The following HTR2A variants were observed in gnomAD, a reference collection of about 807,000 sequenced individuals.
HTR2A encodes 5-hydroxytryptamine receptor 2A, also known as 5-HT2 receptor.
Under a neutral mutation model 31.0 loss-of-function variants are expected in HTR2A, and 14 were observed. That is an observed-to-expected ratio of 0.45 (90% CI 0.30 to 0.71). The LOEUF (loss-of-function observed/expected upper bound fraction) is 0.71, where lower values mean the gene tolerates loss of function less well. Ranked by LOEUF, HTR2A falls within the 30% of genes least tolerant of loss-of-function variation. HTR2A has a pLI of 0.09. For missense variants in HTR2A, 442 were observed against 573.3 expected (o/e 0.77, Z 2.34); for synonymous variants, 209 against 225.2 (o/e 0.93, Z 0.64).
At chr13:46,847,937 T>C (rs1950655671) in intron 3 of HTR2A, among the ~76,000 whole-genome samples, 1 of 152,154 alleles carries the variant, frequency 6.6e-6, no homozygotes, top group South Asian at 2.1e-4. Context: ...TGTATCTCCC[T>C]CTTGTCTTAC....
In HTR2A at chr13:46,861,657, G is replaced by A. The variant is rs150382938; in HGVS notation, c.614-26018C>T. Among the ~76,000 whole-genome samples the A allele has an allele frequency of 8.1e-4, 124 of 152,326 alleles. No homozygotes were observed. In the East Asian group the frequency reaches 0.023, roughly 28 times the overall value. ...GAGGCAATAACTGAGAACCTGTTAG[G>A]CTTATCAACTAATACCTTTGCCTAA... On this transcript the variant is annotated intron_variant, in intron 3 of 3. Transcript: ENST00000542664.
At chr13:46,841,661 A>T (rs1950598273) in intron 3 of HTR2A, among the ~76,000 whole-genome samples, 1 of 152,126 alleles carries the variant, frequency 6.6e-6, no homozygotes. Context: ...CCCCCATCAT[A>T]GATTCCTTAT....
chr13:46,885,769 C>T (rs570261347), intron 3 of HTR2A, among the ~76,000 whole-genome samples: 15 of 152,270 alleles, frequency 9.9e-5, no homozygotes, highest in Admixed American at 8.5e-4. Flanking sequence ...CTTCATTTTG[C>T]CAATTGGATA....
intron 2 of HTR2A, among the ~76,000 whole-genome samples, chr13:46,893,423 A>C (rs541388261): frequency 7.2e-5 from 11 of 152,306 alleles, no homozygotes; most frequent in African/African-American, 2.6e-4. Context: ...CTGCTGGTCC[A>C]GGGACCACGC....
chr13:46,845,368 T>C (rs188879469), intron 3 of HTR2A, among the ~76,000 whole-genome samples: 11 of 152,036 alleles, frequency 7.2e-5, no homozygotes, highest in Non-Finnish European at 1.3e-4. Context: ...TGGGCCCAGG[T>C]GAGCCTGGAC....
At chr13:46,864,000 G>A (rs2760341) in intron 3 of HTR2A, among the ~76,000 whole-genome samples, 126,636 of 152,074 alleles carry the variant, frequency 0.83, 53,671 homozygotes, top group East Asian at 0.97. Flanking sequence ...CACAATAGCA[G>A]AGACATGGAA....
chr13:46,862,555 C>T (rs919032042), intron 3 of HTR2A, among the ~76,000 whole-genome samples: 10 of 152,130 alleles, frequency 6.6e-5, no homozygotes, highest in African/African-American at 2.4e-4. Flanking sequence ...AGCCCCTTGC[C>T]CCGCATAAGA....
chr13:46,863,657 A>AAAAAAAAAAAAAAG (rs1566309853), intron 3 of HTR2A, among the ~76,000 whole-genome samples: 28 of 118,240 alleles, frequency 2.4e-4, no homozygotes, highest in Non-Finnish European at 3.8e-4. Context: ...AAAGAAAAAA[A>AAAAAAAAAAAAAAG]AAAAAGACAG....
Position 46,835,531 on chromosome 13 carries a change from A to T in HTR2A, c.722T>A (p.Val241Glu). Residue 241 changes from valine to glutamate, a missense_variant, in exon 4 of 4, where the codon GTG (valine) becomes GAG (glutamate). Val to Glu is a moderately radical substitution (Grantham distance 121). This residue lies in a region of HTR2A where 174 missense variants were observed against 195.1 expected (regional missense o/e 0.89). Coordinates refer to ENST00000542664, the MANE Select transcript of HTR2A (RefSeq NM_000621.5). Reference protein sequence around the residue: ...DDNFVLIGSFVSFFIPLTIMV... With the variant: ...DDNFVLIGSFESFFIPLTIMV... ...GATGGTTAAGGGAATGAAAAATGAC[A>T]CAAAAGAGCCGATCAGGACAAAGTT... 1 of 1,614,120 alleles carries T rather than the reference A, an allele frequency of 6.2e-7. No individual in the cohort carries two copies. The highest frequency in any genetic ancestry group is 8.5e-7 in the Non-Finnish European group (1 of 1,179,990).
chr13:46,884,380 TC>T (rs1483354859), intron 3 of HTR2A, among the ~76,000 whole-genome samples: 17 of 152,238 alleles, frequency 1.1e-4, no homozygotes, highest in Non-Finnish European at 2.2e-4. Context: ...ATTTTTAAGA[TC>T]TTCAAAATAT....
intron 3 of HTR2A, among the ~76,000 whole-genome samples, chr13:46,841,772 A>AGATT (rs1288375807): frequency 6.6e-6 from 1 of 152,154 alleles, no homozygotes; most frequent in Non-Finnish European, 1.5e-5. Context: ...AAAGGCGAAG[A>AGATT]GATTGAATTC....
At position 46,874,767 on chromosome 13, in the gene HTR2A, G is replaced by C. The variant is rs144100419; in HGVS notation, c.613+17623C>G. ...GTAGAACTGTTGAGGACTGGTATAG[G>C]AAATGTGTTGGAGAGTTAGTGTAGC... On this transcript the variant is annotated intron_variant, in intron 3 of 3. Transcript: ENST00000542664. Among the ~76,000 whole-genome samples, 946 of 152,346 alleles carry C rather than the reference G, an allele frequency of 6.2e-3. 13 individuals carry two copies. Among genetic ancestry groups the C allele is most frequent in the African/African-American group, 0.021 (875 of 41,572 alleles).
intron 3 of HTR2A, among the ~76,000 whole-genome samples, chr13:46,869,516 T>C (rs1437512807): frequency 6.6e-6 from 1 of 152,142 alleles, no homozygotes; most frequent in Admixed American, 6.5e-5. Flanking sequence ...GACAGTTTGA[T>C]AGTTCATCAA....
chr13:46,869,965 AATAG>A (rs1341999116), intron 3 of HTR2A, among the ~76,000 whole-genome samples: 1 of 152,146 alleles, frequency 6.6e-6, no homozygotes, highest in African/African-American at 2.4e-5. Context: ...AAAATTTGGA[AATAG>A]ATAGTGGTGA....
chr13:46,842,324 G>T (rs1165977978), intron 3 of HTR2A, among the ~76,000 whole-genome samples: 2 of 152,106 alleles, frequency 1.3e-5, no homozygotes, highest in African/African-American at 2.4e-5. Context: ...CATCTTGAAA[G>T]TATTGTATCC....
At chr13:46,854,191 T>C (rs1462161453) in intron 3 of HTR2A, 1 of 152,212 alleles carries the variant, frequency 6.6e-6, no homozygotes, top group Non-Finnish European at 1.5e-5. Flanking sequence ...CTCTCTGAGT[T>C]GTGACGATTA....
chr13:46,889,032 T>C (rs1025489700), intron 3 of HTR2A, among the ~76,000 whole-genome samples: 13 of 152,102 alleles, frequency 8.5e-5, no homozygotes, highest in Non-Finnish European at 1.9e-4. Flanking sequence ...TGAGTTAACA[T>C]TATATGTAAA....
chr13:46,858,262 A>G (rs1950754682), intron 3 of HTR2A, among the ~76,000 whole-genome samples: 1 of 152,112 alleles, frequency 6.6e-6, no homozygotes, highest in African/African-American at 2.4e-5. Context: ...GCTGCTTGGA[A>G]AACAGGTACC....
intron 3 of HTR2A, among the ~76,000 whole-genome samples, chr13:46,867,897 T>C (rs185969910): frequency 2.9e-4 from 43 of 150,804 alleles, no homozygotes; most frequent in Non-Finnish European, 5.1e-4. Context: ...TTGACATCTA[T>C]GATTTGAGAT....
Sources: gnomAD v4.1 joint callset for allele counts (sites outside exome capture counted in the v4.1 genomes callset) on GRCh38, gnomAD v4.1.1 for gene constraint, gnomAD v4.1.1 regional missense constraint, MANE v1.5 for transcripts, NCBI Gene and HGNC (gene_info 2026-07-23, HGNC 2026-07-21) for gene names.